Variants in STAG1 observed in about 807,000 individuals in gnomAD.
STAG1 encodes the protein STAG1 cohesin complex component.
STAG1 carries 26 observed loss-of-function variants against 170.9 expected under a neutral mutation model. The ratio of observed to expected loss-of-function variants is 0.15; its 90% CI spans 0.11 to 0.21. STAG1 has a LOEUF of 0.21. Among genes scored for constraint, STAG1 ranks in the 10% least tolerant of loss-of-function variants. STAG1 has a pLI of 1.00. For synonymous variants in STAG1, 514 were observed against 497.7 expected, an observed-to-expected ratio of 1.03 and a Z score of -0.44; for missense variants, 964 against 1,509.5, an observed-to-expected ratio of 0.64 and a Z score of 5.99.
chr3:136,709,491 T>C (rs76219211), intron 1 of STAG1, among the ~76,000 whole-genome samples: 2,640 of 151,876 alleles, frequency 0.017, 85 homozygotes, highest in African/African-American at 0.061. Context: ...TCACAGCAAT[T>C]TGGGAGGTCG....
chr3:136,384,816 A>G (rs1173886706), intron 22 of STAG1, among the ~76,000 whole-genome samples: 1 of 152,096 alleles, frequency 6.6e-6, no homozygotes, highest in South Asian at 2.1e-4. Context: ...TGAATTACTC[A>G]AATATATTTA....
intron 29 of STAG1, among the ~76,000 whole-genome samples, chr3:136,345,416 C>T (rs1184904044): frequency 6.7e-6 from 1 of 149,882 alleles, no homozygotes; most frequent in African/African-American, 2.5e-5. Context: ...CAGATTAAAG[C>T]ATTATTTACA....
chr3:136,441,979 C>A (rs562781883), intron 15 of STAG1, among the ~76,000 whole-genome samples: 1 of 152,302 alleles, frequency 6.6e-6, no homozygotes, highest in Non-Finnish European at 1.5e-5. Flanking sequence ...GGGAGGATCA[C>A]CTGAGCTCAG....
intron 7 of STAG1, among the ~76,000 whole-genome samples, chr3:136,513,764 A>G (rs1454464759): frequency 1.3e-5 from 2 of 152,168 alleles, no homozygotes; most frequent in Non-Finnish European, 2.9e-5. Context: ...TCTTTTTCTC[A>G]AGAAACTATC....
intron 1 of STAG1, among the ~76,000 whole-genome samples, chr3:136,692,036 CA>C (rs1942742833): frequency 6.6e-6 from 1 of 152,142 alleles, no homozygotes; most frequent in South Asian, 2.1e-4. Flanking sequence ...CAATTACAGC[CA>C]GGGGCAGTGG....
chr3:136,599,944 G>A (rs1025772965), intron 4 of STAG1, among the ~76,000 whole-genome samples: 7 of 151,950 alleles, frequency 4.6e-5, no homozygotes, highest in African/African-American at 1.5e-4. Context: ...TTACCTCCAT[G>A]GCAGAACCAG....
chr3:136,550,976 C>T (rs1259372121), intron 5 of STAG1, among the ~76,000 whole-genome samples: 1 of 152,044 alleles, frequency 6.6e-6, no homozygotes, highest in Admixed American at 6.5e-5. Context: ...CTAAACACTA[C>T]TGATTATTAA....
At position 136,377,719 on chromosome 3, in the gene STAG1, A is replaced by G. The variant is rs752207021; in HGVS notation, c.2311T>C (p.Ser771Pro). 2 of 1,614,056 alleles carry G rather than the reference A, an allele frequency of 1.2e-6. No individual in the cohort carries two copies. Among genetic ancestry groups the G allele is most frequent in the Admixed American group, 1.7e-5 (1 of 60,012 alleles). The change falls in exon 23 of 34, where the codon TCC becomes CCC. Residue 771 changes from serine (S) to proline (P), a missense_variant. This residue lies in a region of STAG1 where 232 missense variants were observed against 313.0 expected (regional missense o/e 0.74). Coordinates refer to ENST00000383202, the MANE Select transcript of STAG1 (RefSeq NM_005862.3). The part of the protein sequence containing the change: ...DLLVLRKTVK[S>P]FLAVCQQCLS... ...CACTGCTGGCAAACAGCCAAAAAGG[A>G]TTTCACCGTTTTCCTCAATACCAAC...
chr3:136,510,513 T>C lies in STAG1; in HGVS notation c.677-7734A>G, dbSNP rs183034841. Among the ~76,000 whole-genome samples the C allele has an allele frequency of 1.5e-4, 23 of 151,706 alleles. No individual in the cohort carries two copies. The East Asian group carries it at 4.3e-3, about 28-fold the overall frequency. On this transcript the variant is annotated intron_variant, in intron 7 of 33. Coordinates refer to ENST00000383202, the MANE Select transcript of STAG1 (RefSeq NM_005862.3). Reference sequence around the variant, plus strand: ...CCATGTTGGCCAGGCTGGTCTCGAATGATCTGCCCTCTTCGGCCTCTAAAA... The same window carrying C: ...CCATGTTGGCCAGGCTGGTCTCGAACGATCTGCCCTCTTCGGCCTCTAAAA...
At chr3:136,736,397 C>T in intron 1 of STAG1, 1 of 856,706 alleles carries the variant, frequency 1.2e-6, no homozygotes, top group Non-Finnish European at 1.9e-6. Flanking sequence ...GCAAATACTA[C>T]TCTATGTTGG....
chr3:136,341,534 G>C lies in STAG1; in HGVS notation c.3464C>G (p.Ser1155Cys), dbSNP rs1341592847. 6.2e-7 allele frequency: 1 copy of C among 1,611,854 alleles called. No individual in the cohort carries two copies. Among genetic ancestry groups the C allele is most frequent in the Admixed American group, 1.7e-5 (1 of 60,020 alleles). ...TTCTAACTTCGGCTGGCCTAACCAAGAGATCTGCATCTGAGGACTAAGAGA... is the reference window on the plus strand; with the variant it reads ...TTCTAACTTCGGCTGGCCTAACCAACAGATCTGCATCTGAGGACTAAGAGA... ...DFLHNPQMQI[S>C]WLGQPKLEDL... is the part of the protein sequence containing the mutation. Residue 1155 changes from serine (S) to cysteine (C), a missense_variant, in exon 31 of 34, where the codon TCT becomes TGT. By Grantham distance (112) the Ser-to-Cys change is moderately radical (BLOSUM62 -1). Transcript: ENST00000383202.
chr3:136,363,235 C>T (rs973062539), intron 26 of STAG1, 131 bp downstream of exon 26: 3 of 466,548 alleles, frequency 6.4e-6, no homozygotes, highest in Non-Finnish European at 7.5e-6. Flanking sequence ...AAAATATCCA[C>T]AGTAATGCAC....
Position 136,357,763 on chromosome 3 carries a change from T to G in STAG1, c.3022A>C (p.Ser1008Arg). ...CGAAGAAGTTTAGAAGAAAATTCAC[T>G]TAGTACTTCAAGAAAAGCCAGATTA... is the stretch of plus-strand genomic sequence containing the variant. The part of the protein sequence containing the change: ...PPNLAFLEVL[S>R]EFSSKLLRQD... The change falls in exon 28 of 34, where the codon AGT becomes CGT. Residue 1008 changes from serine (S) to arginine (R), a missense_variant. This residue lies in a region of STAG1 where 149 missense variants were observed against 301.3 expected (regional missense o/e 0.49). Coordinates refer to ENST00000383202, the MANE Select transcript of STAG1 (RefSeq NM_005862.3). 1 of 1,607,634 alleles carries G rather than the reference T, an allele frequency of 6.2e-7. No individual in the cohort carries two copies. The highest frequency in any genetic ancestry group is 8.5e-7 in the Non-Finnish European group (1 of 1,178,232).
chr3:136,398,690 A>T lies in STAG1; in HGVS notation c.2277+59T>A, dbSNP rs1035574322. The T allele has an allele frequency of 9.4e-6, 9 of 958,778 alleles. No homozygotes were observed. In the South Asian group the frequency reaches 1.7e-4, roughly 18 times the overall value. 59.4% of individuals were successfully genotyped at this position (958,778 alleles called of 1,614,324 possible). ...AACTGATAATAGTAAATTATTAAAT[A>T]GTTAAGCAAGGTTATTATTTCAGTA... On this transcript the variant is annotated intron_variant, in intron 22 of 33. Transcript: ENST00000383202.
At chr3:136,702,078 A>G (rs1394457898) in intron 1 of STAG1, among the ~76,000 whole-genome samples, 1 of 31,040 alleles carries the variant, frequency 3.2e-5, no homozygotes, top group African/African-American at 1.1e-4. Context: ...ATGCCGAAAG[A>G]GAGAGAGAGA....
chr3:136,678,218 G>C (rs1407094192), intron 1 of STAG1, among the ~76,000 whole-genome samples: 1 of 149,924 alleles, frequency 6.7e-6, no homozygotes, highest in Non-Finnish European at 1.5e-5. Flanking sequence ...ACAAATGCTA[G>C]AGAACAGCTA....
intron 28 of STAG1, among the ~76,000 whole-genome samples, chr3:136,351,797 A>T (rs932683414): frequency 6.6e-6 from 1 of 152,228 alleles, no homozygotes; most frequent in Non-Finnish European, 1.5e-5. Flanking sequence ...TGTGGGTCAA[A>T]AAAGTAAATA....
At chr3:136,636,770 G>T (rs775703638) in intron 1 of STAG1, among the ~76,000 whole-genome samples, 1 of 152,152 alleles carries the variant, frequency 6.6e-6, no homozygotes, top group African/African-American at 2.4e-5. Flanking sequence ...ATTTAAGAAA[G>T]ATTAATTTTT....
intron 9 of STAG1, among the ~76,000 whole-genome samples, chr3:136,485,469 A>C (rs571699209): frequency 1.6e-3 from 242 of 152,266 alleles, no homozygotes; most frequent in African/African-American, 5.6e-3. Flanking sequence ...AAGAAAAAAA[A>C]AGTAGCTCTA....
Sources: gnomAD v4.1 joint callset for allele counts (sites outside exome capture counted in the v4.1 genomes callset) on GRCh38, gnomAD v4.1.1 for gene constraint, gnomAD v4.1.1 regional missense constraint, MANE v1.5 for transcripts, NCBI Gene and HGNC (gene_info 2026-07-23, HGNC 2026-07-21) for gene names.